Variants in BTG2 observed in about 807,000 individuals in gnomAD.
BTG2 encodes the protein BTG anti-proliferation factor 2, also known as protein BTG2.
In BTG2, 9 loss-of-function variants were observed where a neutral mutation model predicts 13.1. The ratio of observed to expected loss-of-function variants is 0.69; its 90% CI spans 0.41 to 1.20. The LOEUF (loss-of-function observed/expected upper bound fraction) is 1.20, where lower values mean the gene tolerates loss of function less well. Among genes scored for constraint, BTG2 ranks in the 50% most tolerant of loss-of-function variants. BTG2 has a pLI of 0.00. For missense variants in BTG2, 200 were observed against 209.5 expected, an observed-to-expected ratio of 0.95 and a Z score of 0.28; for synonymous variants, 92 against 88.6, an observed-to-expected ratio of 1.04 and a Z score of -0.21.
chr1:203,306,348 C>A (rs1658272909), intron 1 of BTG2, among the ~76,000 whole-genome samples: 1 of 152,064 alleles, frequency 6.6e-6, no homozygotes, highest in Non-Finnish European at 1.5e-5. Flanking sequence ...GTGACCCTGC[C>A]GTGCGGGCCT....
chr1:203,306,363 G>C (rs535285778), intron 1 of BTG2, among the ~76,000 whole-genome samples: 3 of 152,204 alleles, frequency 2.0e-5, no homozygotes, highest in South Asian at 2.1e-4. Flanking sequence ...GGGCCTTCAA[G>C]TTGGGAGGTG....
At position 203,309,040 on chromosome 1, in the gene BTG2, C is replaced by T. The variant is rs751952792; in HGVS notation, c.*1602C>T. 2 of 152,686 alleles carry T rather than the reference C, an allele frequency of 1.3e-5. No individual in the cohort carries two copies. The highest frequency in any genetic ancestry group is 6.5e-5 in the Admixed American group (1 of 15,284). The allele number at this position is 152,686 out of a possible 1,614,324, so 9.5% of individuals were successfully genotyped here. A position where few individuals can be genotyped will look rare whatever the true frequency, so the allele number is the denominator to read the frequency against. On this transcript the variant is annotated 3_prime_UTR_variant, in exon 2 of 2. Coordinates refer to ENST00000290551, the MANE Select transcript of BTG2 (RefSeq NM_006763.3). ...CCCACTTCCTCTACCCCCAGGTTCT[C>T]CTCCCCACAGCCAGTCCCCTTTCCT...
intron 1 of BTG2, among the ~76,000 whole-genome samples, chr1:203,306,063 G>T (rs530430630): frequency 1.3e-3 from 198 of 152,238 alleles, no homozygotes; most frequent in African/African-American, 4.4e-3. Context: ...CGTCTCCCTC[G>T]CTGGACCCTC....
rs1416646589 is a variant in BTG2 at position 203,305,643 on chromosome 1, A to G, written c.37A>G (p.Ile13Val). The G allele has an allele frequency of 4.4e-6, 7 of 1,588,888 alleles. No homozygotes were observed. Among genetic ancestry groups the G allele is most frequent in the East Asian group, 2.3e-5 (1 of 43,116 alleles). The change falls in exon 1 of 2, where the codon ATC (isoleucine) becomes GTC (valine). Residue 13 changes from isoleucine (I) to valine (V), a missense_variant. Physicochemically the swap from Ile to Val is conservative, Grantham distance 29 (BLOSUM62 3). Coordinates refer to ENST00000290551, the MANE Select transcript of BTG2 (RefSeq NM_006763.3). The part of the protein sequence containing the change: ...HGKGTDMLPE[I>V]AAAVGFLSSL... ...GAAGGGAACCGACATGCTCCCGGAG[A>G]TCGCCGCCGCCGTGGGCTTCCTCTC...
chr1:203,305,823 C>A (rs1658245796), intron 1 of BTG2, 75 bp downstream of exon 1: 1 of 1,491,468 alleles, frequency 6.7e-7, no homozygotes, highest in African/African-American at 1.4e-5. Context: ...TCTTCTACTC[C>A]TGCGGCAGGG....
At position 203,307,480 on chromosome 1, in the gene BTG2, C is replaced by G; in HGVS notation, c.*42C>G. ...CCTGGGCGCCGCCGTGCTCATGCTG[C>G]CGTGACAACAGGCCACCACATACCT... On this transcript the variant is annotated 3_prime_UTR_variant, in exon 2 of 2. Transcript: ENST00000290551. 1 of 1,510,636 alleles carries G rather than the reference C, an allele frequency of 6.6e-7. No individual in the cohort carries two copies. The allele number at this position is 1,510,636 out of a possible 1,614,324, so 93.6% of individuals were successfully genotyped here. A position where few individuals can be genotyped will look rare whatever the true frequency, so the allele number is the denominator to read the frequency against.
intron 1 of BTG2, 104 bp from the exon 2 acceptor site, chr1:203,307,000 C>T (rs1487966594): frequency 2.1e-6 from 2 of 954,864 alleles, no homozygotes; most frequent in African/African-American, 3.3e-5. Flanking sequence ...CTTAAAGGGC[C>T]CCTTTCTCTC....
rs949576195 is a variant in BTG2 at position 203,308,416 on chromosome 1, C to T, written c.*978C>T. The T allele has an allele frequency of 6.5e-6, 1 of 152,836 alleles. No individual in the cohort carries two copies. Among genetic ancestry groups the T allele is most frequent in the South Asian group, 2.1e-4 (1 of 4,824 alleles). The allele number at this position is 152,836 out of a possible 1,614,324, so 9.5% of individuals were successfully genotyped here. A position where few individuals can be genotyped will look rare whatever the true frequency, so the allele number is the denominator to read the frequency against. On this transcript the variant is annotated 3_prime_UTR_variant, in exon 2 of 2. Transcript: ENST00000290551. The stretch of plus-strand genomic sequence containing the variant: ...GCCTTCTTTTCAAAAGCACAACTCT[C>T]CTCTAACCCTCCCCTCCCCCTTCCC...
chr1:203,308,545 A>G lies in BTG2; in HGVS notation c.*1107A>G, dbSNP rs1394611879. On this transcript the variant is annotated 3_prime_UTR_variant, in exon 2 of 2. Coordinates refer to ENST00000290551, the MANE Select transcript of BTG2 (RefSeq NM_006763.3). ...AGGAGGGTCTGGAGGAAAACTGGCT[A>G]TCAGAACCTCCTGATGCCCTGGTGG... The G allele has an allele frequency of 2.6e-5, 4 of 152,652 alleles. No individual in the cohort carries two copies. The East Asian group carries it at 7.7e-4, about 29-fold the overall frequency. 9.5% of individuals were successfully genotyped at this position (152,652 alleles called of 1,614,324 possible).
At position 203,307,468 on chromosome 1, in the gene BTG2, G is replaced by A. The variant is rs1461802405; in HGVS notation, c.*30G>A. On this transcript the variant is annotated 3_prime_UTR_variant, in exon 2 of 2. Transcript: ENST00000290551. ...TTCCGCCCCCGCCCTGGGCGCCGCC[G>A]TGCTCATGCTGCCGTGACAACAGGC... 5.2e-6 allele frequency: 8 copies of A among 1,538,006 alleles called. No individual in the cohort carries two copies. Among genetic ancestry groups the A allele is most frequent in the Non-Finnish European group, 7.0e-6 (8 of 1,139,616 alleles).
At chr1:203,305,914 C>T (rs1018270874) in intron 1 of BTG2, among the ~76,000 whole-genome samples, 166 bp downstream of exon 1, 3 of 152,274 alleles carry the variant, frequency 2.0e-5, no homozygotes, top group East Asian at 3.9e-4. Flanking sequence ...TTCCTGGGTC[C>T]TCCTCCCCAG....
intron 1 of BTG2, 94 bp downstream of exon 1, chr1:203,305,842 G>C (rs530560138): frequency 6.8e-7 from 1 of 1,474,670 alleles, no homozygotes; most frequent in South Asian, 1.3e-5. Flanking sequence ...GGTGACCCAC[G>C]GGAGCAGCTT....
At chr1:203,305,791 C>G (rs951211630) in intron 1 of BTG2, 43 bp downstream of exon 1, 1 of 1,527,064 alleles carries the variant, frequency 6.5e-7, no homozygotes. Context: ...GGGGTCGGCC[C>G]CATCCCTGCC....
At chr1:203,306,814 ACACACACTCTCTCTCT>A (rs1658285526) in intron 1 of BTG2, among the ~76,000 whole-genome samples, 5 of 144,568 alleles carry the variant, frequency 3.5e-5, no homozygotes, top group African/African-American at 1.3e-4. Context: ...ACACACACAC[ACACACACTCTCTCTCT>A]CACACACACA....
chr1:203,308,817 A>G lies in BTG2; in HGVS notation c.*1379A>G, dbSNP rs924082329. On this transcript the variant is annotated 3_prime_UTR_variant, in exon 2 of 2. Coordinates refer to ENST00000290551, the MANE Select transcript of BTG2 (RefSeq NM_006763.3). ...AATTTGTCGTAGACTTGTGCAATAT[A>G]TACTGTTGTGGGTTGGAGAAAAGTG... 2.0e-5 allele frequency: 3 copies of G among 152,670 alleles called. No homozygotes were observed. The highest frequency in any genetic ancestry group is 4.4e-5 in the Non-Finnish European group (3 of 68,042). 9.5% of individuals were successfully genotyped at this position (152,670 alleles called of 1,614,324 possible). A position where few individuals can be genotyped will look rare whatever the true frequency, so the allele number is the denominator to read the frequency against.
At position 203,307,428 on chromosome 1, in the gene BTG2, T is replaced by C. The variant is rs1460397779; in HGVS notation, c.467T>C (p.Val156Ala). The C allele has an allele frequency of 1.9e-6, 3 of 1,587,818 alleles. No homozygotes were observed. Among genetic ancestry groups the C allele is most frequent in the South Asian group, 2.3e-5 (2 of 88,828 alleles). ...CCCTCCAAGAACTACGTGATGGCAG[T>C]CTCCAGCTAGGCCCTTCCGCCCCCG... is the stretch of plus-strand genomic sequence containing the variant. ...SSPSKNYVMA[V>A]SS Residue 156 changes from valine (V) to alanine (A), a missense_variant, in exon 2 of 2, where the codon GTC (valine) becomes GCC (alanine). Transcript: ENST00000290551.
rs891937219 is a variant in BTG2, at chr1:203,305,664, C to T, written c.58C>T (p.Leu20Phe). ...GGAGATCGCCGCCGCCGTGGGCTTC[C>T]TCTCCAGCCTCCTGAGGACCCGGGG... The part of the protein sequence containing the change: ...LPEIAAAVGF[L>F]SSLLRTRGCV... The change falls in exon 1 of 2, where the codon CTC becomes TTC. Residue 20 changes from leucine to phenylalanine, a missense_variant. By Grantham distance (22) the Leu-to-Phe change is conservative. Transcript: ENST00000290551. 3 of 1,576,058 alleles carry T rather than the reference C, an allele frequency of 1.9e-6. No homozygotes were observed. Among genetic ancestry groups the T allele is most frequent in the Middle Eastern group, 1.7e-4 (1 of 6,034 alleles).
intron 1 of BTG2, 139 bp from the exon 2 acceptor site, chr1:203,306,965 A>G (rs1658293082): frequency 8.6e-6 from 6 of 695,688 alleles, no homozygotes; most frequent in Non-Finnish European, 1.2e-5. Flanking sequence ...AGGGTCCTAG[A>G]ACTCAGAGGA....
Position 203,309,015 on chromosome 1 carries a change from C to T in BTG2, c.*1577C>T, listed in dbSNP as rs1255549733. The T allele has an allele frequency of 1.3e-5, 2 of 152,628 alleles. No homozygotes were observed. The highest frequency in any genetic ancestry group is 2.9e-5 in the Non-Finnish European group (2 of 68,064). The allele number at this position is 152,628 out of a possible 1,614,324, so 9.5% of individuals were successfully genotyped here. On this transcript the variant is annotated 3_prime_UTR_variant, in exon 2 of 2. Transcript: ENST00000290551. ...TTGCCCCTTAGTGAGGAATCTTCAC[C>T]CCACTTCCTCTACCCCCAGGTTCTC...
Sources: allele counts gnomAD v4.1 joint callset (sites outside exome capture counted in the v4.1 genomes callset), GRCh38; gene constraint gnomAD v4.1.1; transcripts MANE v1.5; gene names NCBI Gene and HGNC (gene_info 2026-07-23, HGNC 2026-07-21).